The following KHDRBS2 variants were observed in gnomAD, a reference collection of about 807,000 sequenced individuals.
KHDRBS2 encodes KH RNA binding domain containing, signal transduction associated 2.
In KHDRBS2, 26 loss-of-function variants were observed where a neutral mutation model predicts 44.3. That is an observed-to-expected ratio of 0.59 (90% CI 0.43 to 0.81). The LOEUF is 0.81. Among genes scored for constraint, KHDRBS2 ranks in the 40% least tolerant of loss-of-function variants. The pLI, the probability that KHDRBS2 is intolerant of heterozygous loss-of-function variation, is 0.00. For synonymous variants in KHDRBS2, 194 were observed against 151.1 expected (o/e 1.28, Z -2.08); for missense variants, 476 against 433.1 (o/e 1.10, Z -0.88).
At chr6:62,129,222 C>G (rs906191485) in intron 2 of KHDRBS2, among the ~76,000 whole-genome samples, 2 of 151,950 alleles carry the variant, frequency 1.3e-5, no homozygotes, top group African/African-American at 4.8e-5. Flanking sequence ...TATTAAAACC[C>G]CACAACAAGT....
intron 6 of KHDRBS2, among the ~76,000 whole-genome samples, chr6:61,828,620 G>T (rs1170534075): frequency 6.6e-6 from 1 of 152,034 alleles, no homozygotes; most frequent in African/African-American, 2.4e-5. Context: ...TATACCTTTT[G>T]GGTATCCCTC....
At chr6:61,890,946 A>C (rs1250164405) in intron 6 of KHDRBS2, among the ~76,000 whole-genome samples, 1 of 152,208 alleles carries the variant, frequency 6.6e-6, no homozygotes, top group East Asian at 1.9e-4. Context: ...GGATTTTTAC[A>C]CTTAGTAACA....
intron 6 of KHDRBS2, among the ~76,000 whole-genome samples, chr6:61,849,301 G>A (rs913811379): frequency 1.3e-5 from 2 of 151,972 alleles, no homozygotes; most frequent in Non-Finnish European, 2.9e-5. Context: ...TCTTGACACA[G>A]GTTCCTGTGA....
intron 2 of KHDRBS2, among the ~76,000 whole-genome samples, chr6:62,108,914 G>A (rs1295493341): frequency 6.6e-6 from 1 of 152,078 alleles, no homozygotes; most frequent in African/African-American, 2.4e-5. Flanking sequence ...CATGGACACA[G>A]GAAGGGGTAC....
At chr6:62,033,633 T>A (rs1784741336) in intron 3 of KHDRBS2, among the ~76,000 whole-genome samples, 1 of 151,260 alleles carries the variant, frequency 6.6e-6, no homozygotes, top group South Asian at 2.1e-4. Flanking sequence ...CAGATATATA[T>A]ATATTTGGAC....
At chr6:62,183,398 A>G (rs1157552685) in intron 1 of KHDRBS2, among the ~76,000 whole-genome samples, 1 of 151,714 alleles carries the variant, frequency 6.6e-6, no homozygotes, top group East Asian at 1.9e-4. Flanking sequence ...ATAGAGCTAT[A>G]TAGAACTAAA....
chr6:62,061,597 GC>G (rs1271111009), intron 2 of KHDRBS2, among the ~76,000 whole-genome samples: 1 of 150,394 alleles, frequency 6.6e-6, no homozygotes, highest in Non-Finnish European at 1.5e-5. Context: ...CTCTCTGGCT[GC>G]CCTTAACATT....
the KHDRBS2 span, among the ~76,000 whole-genome samples, chr6:61,572,383 A>G: frequency 6.6e-6 from 1 of 152,184 alleles, no homozygotes; most frequent in Non-Finnish European, 1.5e-5. Context: ...GCTAAATTCA[A>G]TGAGACATTC....
At chr6:61,848,490 T>TATAC (rs1491335256) in intron 6 of KHDRBS2, among the ~76,000 whole-genome samples, 2 of 32,178 alleles carry the variant, frequency 6.2e-5, no homozygotes, top group Non-Finnish European at 1.1e-4. Context: ...TATATATATA[T>TATAC]GTATATATAT....
chr6:62,075,895 ATCTC>A lies in KHDRBS2; in HGVS notation c.220-27905_220-27902del, dbSNP rs3884304. ...GGCCTGGCAATCCCTATCTCTCCCT[ATCTC>A]TCTCTCTCTCTCTCTTCTATTTTTA... On this transcript the variant is annotated intron_variant, in intron 2 of 8. Transcript: ENST00000281156. 1.1e-3 allele frequency among the ~76,000 whole-genome samples: 169 copies of A among 147,976 alleles called. 1 individual carries two copies. The highest frequency in any genetic ancestry group is 3.8e-3 in the African/African-American group (153 of 40,342).
chr6:61,891,695 C>G (rs1460712219), intron 6 of KHDRBS2, among the ~76,000 whole-genome samples: 1 of 152,164 alleles, frequency 6.6e-6, no homozygotes, highest in African/African-American at 2.4e-5. Flanking sequence ...TGACAAAATT[C>G]AACAACACTT....
chr6:62,136,738 C>T (rs1312819021), intron 2 of KHDRBS2, among the ~76,000 whole-genome samples: 1 of 152,154 alleles, frequency 6.6e-6, no homozygotes, highest in Non-Finnish European at 1.5e-5. Context: ...ACATGAGATT[C>T]TTGGCTTCTG....
chr6:61,949,284 G>A (rs1481187126), intron 4 of KHDRBS2, among the ~76,000 whole-genome samples: 1 of 152,080 alleles, frequency 6.6e-6, no homozygotes, highest in African/African-American at 2.4e-5. Flanking sequence ...TTTGAACTCA[G>A]AAGGAAAAGA....
At chr6:61,900,887 C>T (rs573631507) in intron 5 of KHDRBS2, among the ~76,000 whole-genome samples, 2 of 152,270 alleles carry the variant, frequency 1.3e-5, no homozygotes, top group South Asian at 2.1e-4. Context: ...GAGGATAGAA[C>T]AGTAAAGTAG....
At chr6:62,082,192 A>C (rs1395024413) in intron 2 of KHDRBS2, among the ~76,000 whole-genome samples, 1 of 152,120 alleles carries the variant, frequency 6.6e-6, no homozygotes, top group East Asian at 1.9e-4. Flanking sequence ...AGTTAATCTG[A>C]CTTCCAGACT....
At chr6:61,588,455 T>A in the KHDRBS2 span, among the ~76,000 whole-genome samples, 1 of 152,214 alleles carries the variant, frequency 6.6e-6, no homozygotes, top group Non-Finnish European at 1.5e-5. Context: ...AGAGTGATAC[T>A]TTGTGGATCA....
At chr6:61,727,589 C>T (rs1243788771) in intron 7 of KHDRBS2, among the ~76,000 whole-genome samples, 2 of 152,050 alleles carry the variant, frequency 1.3e-5, no homozygotes. Context: ...AACAAATTTA[C>T]AGGAAACAAA....
intron 6 of KHDRBS2, among the ~76,000 whole-genome samples, chr6:61,892,433 T>C (rs1411367403): frequency 5.9e-5 from 9 of 152,112 alleles, no homozygotes; most frequent in South Asian, 2.1e-4. Flanking sequence ...AAAAAGAGCC[T>C]GCATTGCCAA....
chr6:61,864,382 T>G (rs1179707249), intron 6 of KHDRBS2, among the ~76,000 whole-genome samples: 1 of 152,208 alleles, frequency 6.6e-6, no homozygotes, highest in Non-Finnish European at 1.5e-5. Context: ...CTGGTCTGTA[T>G]ACTTCAGCAT....
Sources: gnomAD v4.1 joint callset for allele counts (sites outside exome capture counted in the v4.1 genomes callset) on GRCh38, gnomAD v4.1.1 for gene constraint, MANE v1.5 for transcripts, NCBI Gene and HGNC (gene_info 2026-07-23, HGNC 2026-07-21) for gene names.